Variants in OR9Q1 observed in about 807,000 individuals in gnomAD.
The protein encoded by OR9Q1 is olfactory receptor 9Q1.
For missense variants in OR9Q1, 374 were observed against 378.8 expected, an observed-to-expected ratio of 0.99 and a Z score of 0.11; for synonymous variants, 153 against 148.6, an observed-to-expected ratio of 1.03 and a Z score of -0.22.
intron 2 of OR9Q1, among the ~76,000 whole-genome samples, chr11:58,092,251 G>T (rs1853691403): frequency 6.6e-6 from 1 of 151,736 alleles, no homozygotes; most frequent in Non-Finnish European, 1.5e-5. Context: ...GTATATTTTT[G>T]TGTGTTTTTT....
intron 2 of OR9Q1, among the ~76,000 whole-genome samples, chr11:58,140,752 A>AATGCGGGCTGTTT (rs1409025576): frequency 6.6e-6 from 1 of 152,078 alleles, no homozygotes; most frequent in Non-Finnish European, 1.5e-5. Context: ...TTGGCTTAGG[A>AATGCGGGCTGTTT]TTGACTTGGC....
At chr11:58,072,077 T>C in intron 2 of OR9Q1, among the ~76,000 whole-genome samples, 1 of 152,264 alleles carries the variant, frequency 6.6e-6, no homozygotes, top group African/African-American at 2.4e-5. Flanking sequence ...GTTAAAAAAA[T>C]TACTTTTCTT....
At chr11:58,125,232 ACC>A (rs202052034) in intron 2 of OR9Q1, 1 of 58,484 alleles carries the variant, frequency 1.7e-5, no homozygotes, top group African/African-American at 6.3e-5. Context: ...TTCCCCCCTT[ACC>A]CACCGCCCCC....
intron 2 of OR9Q1, among the ~76,000 whole-genome samples, chr11:58,131,373 G>A (rs1854139627): frequency 6.6e-6 from 1 of 151,848 alleles, no homozygotes; most frequent in Non-Finnish European, 1.5e-5. Flanking sequence ...TACATTTTTT[G>A]GGATATAAAT....
At chr11:58,053,911 A>G (rs1297189553) in intron 1 of OR9Q1, among the ~76,000 whole-genome samples, 2 of 151,884 alleles carry the variant, frequency 1.3e-5, no homozygotes, top group Non-Finnish European at 2.9e-5. Context: ...TATCCACCAT[A>G]GTGACTGTAG....
At chr11:58,089,327 G>A (rs548498166) in intron 2 of OR9Q1, among the ~76,000 whole-genome samples, 2 of 151,828 alleles carry the variant, frequency 1.3e-5, no homozygotes, top group Non-Finnish European at 2.9e-5. Context: ...TTTGTACAAG[G>A]TGTAAGAAAG....
At chr11:58,070,725 T>C (rs1385815661) in intron 2 of OR9Q1, among the ~76,000 whole-genome samples, 1 of 152,154 alleles carries the variant, frequency 6.6e-6, no homozygotes, top group East Asian at 1.9e-4. Flanking sequence ...ATGGCCACAG[T>C]GTCTTCACTA....
At chr11:58,034,735 T>TTTCCTTCTTTCCTTCC (rs1554964476) in intron 1 of OR9Q1, among the ~76,000 whole-genome samples, 1 of 111,404 alleles carries the variant, frequency 9.0e-6, no homozygotes, top group African/African-American at 3.3e-5. Context: ...GGTTTCTTTC[T>TTTCCTTCTTTCCTTCC]TTCCTTCCTT....
At chr11:58,161,440 G>C (rs182527145) in intron 2 of OR9Q1, among the ~76,000 whole-genome samples, 1 of 152,170 alleles carries the variant, frequency 6.6e-6, no homozygotes, top group East Asian at 1.9e-4. Context: ...ATTCTCACGG[G>C]ATTTCCAGTG....
intron 1 of OR9Q1, among the ~76,000 whole-genome samples, chr11:58,052,759 A>T (rs1423134683): frequency 6.7e-6 from 1 of 150,350 alleles, no homozygotes; most frequent in Admixed American, 6.6e-5. Context: ...GGAGAAAAAA[A>T]CAAACAACCC....
At chr11:58,063,016 G>T (rs2443450) in intron 2 of OR9Q1, among the ~76,000 whole-genome samples, 101,453 of 151,988 alleles carry the variant, frequency 0.67, 34,294 homozygotes, top group Middle Eastern at 0.79. Flanking sequence ...TAGGGCTATG[G>T]CCTCACACGT....
At chr11:58,160,095 C>T (rs1224912225) in intron 2 of OR9Q1, among the ~76,000 whole-genome samples, 1 of 152,222 alleles carries the variant, frequency 6.6e-6, no homozygotes, top group Non-Finnish European at 1.5e-5. Flanking sequence ...TGTGAGGAAG[C>T]CTAGACTACA....
chr11:58,165,544 G>T (rs529771349), intron 2 of OR9Q1, among the ~76,000 whole-genome samples: 3 of 152,160 alleles, frequency 2.0e-5, no homozygotes, highest in Admixed American at 6.5e-5. Context: ...TTTTTTGGAA[G>T]CGCACAAACC....
At chr11:58,106,995 T>G (rs1269434031) in intron 2 of OR9Q1, among the ~76,000 whole-genome samples, 1 of 152,210 alleles carries the variant, frequency 6.6e-6, no homozygotes, top group African/African-American at 2.4e-5. Context: ...AATTTCTATT[T>G]CTCTAAGAAA....
At chr11:58,054,005 A>C (rs1406534999) in intron 1 of OR9Q1, among the ~76,000 whole-genome samples, 1 of 152,108 alleles carries the variant, frequency 6.6e-6, no homozygotes, top group Non-Finnish European at 1.5e-5. Context: ...TCCCACACAA[A>C]TGGTGACTAT....
At chr11:58,109,400 CTGTGGCCAG>C (rs1853876595) in intron 2 of OR9Q1, 1 of 458,830 alleles carries the variant, frequency 2.2e-6, no homozygotes, top group Non-Finnish European at 4.4e-6. Flanking sequence ...ACTGTCTTGT[CTGTGGCCAG>C]TGTGGCCAGA....
At chr11:58,054,963 C>A (rs1282922446) in intron 1 of OR9Q1, among the ~76,000 whole-genome samples, 1 of 152,130 alleles carries the variant, frequency 6.6e-6, no homozygotes, top group Non-Finnish European at 1.5e-5. Flanking sequence ...TATTTTTGCA[C>A]CAGTCAAATA....
chr11:58,134,327 C>T (rs1379260800), intron 2 of OR9Q1, among the ~76,000 whole-genome samples: 1 of 152,208 alleles, frequency 6.6e-6, no homozygotes, highest in African/African-American at 2.4e-5. Context: ...TCCCAGATGG[C>T]AGAGACAGCG....
At chr11:58,114,919 G>T (rs1238935510) in intron 2 of OR9Q1, among the ~76,000 whole-genome samples, 1 of 152,112 alleles carries the variant, frequency 6.6e-6, no homozygotes, top group Non-Finnish European at 1.5e-5. Flanking sequence ...GTTTGAGCAG[G>T]TTGGTCTCAT....
Sources: allele counts gnomAD v4.1 joint callset (sites outside exome capture counted in the v4.1 genomes callset), GRCh38; gene constraint gnomAD v4.1.1; transcripts MANE v1.5; gene names NCBI Gene and HGNC (gene_info 2026-07-23, HGNC 2026-07-21).